SPRING1: variants seen among roughly 807,000 people sequenced by gnomAD.
SPRING1 encodes the protein SREBF pathway regulator in golgi 1.
SPRING1 carries 14 observed loss-of-function variants against 24.7 expected under a neutral mutation model. The ratio of observed to expected loss-of-function variants is 0.57; its 90% confidence interval spans 0.37 to 0.88. The LOEUF (loss-of-function observed/expected upper bound fraction) is 0.88. Among genes scored for constraint, SPRING1 ranks in the 40% least tolerant of loss-of-function variants. The probability of loss-of-function intolerance (pLI) is 0.00; values close to 1 mark genes in which losing one functional copy is unlikely to be tolerated. For synonymous variants in SPRING1, 93 were observed against 106.1 expected, an observed-to-expected ratio of 0.88 and a Z score of 0.76; for missense variants, 255 against 268.4, an observed-to-expected ratio of 0.95 and a Z score of 0.35.
chr12:116,723,368 A>G, intron 1 of SPRING1, 145 bp from the exon 2 acceptor site: 1 of 963,990 alleles, frequency 1.0e-6, no homozygotes, highest in Non-Finnish European at 1.5e-6. Flanking sequence ...TGGTACAAGC[A>G]AAGCCTGAGC....
At chr12:116,737,607 A>T in intron 1 of SPRING1, among the ~76,000 whole-genome samples, 183 bp downstream of exon 1, 1 of 132,948 alleles carries the variant, frequency 7.5e-6, no homozygotes, top group Non-Finnish European at 1.6e-5. Context: ...GAAGGAGGGG[A>T]GGTAGGAAGA....
intron 1 of SPRING1, among the ~76,000 whole-genome samples, chr12:116,733,608 G>A (rs772592579): frequency 3.9e-5 from 6 of 152,108 alleles, no homozygotes; most frequent in Admixed American, 6.5e-5. Context: ...CAATGTGTTT[G>A]TGTTTTCAGC....
intron 3 of SPRING1, 97 bp from the exon 4 acceptor site, chr12:116,719,973 G>A: frequency 9.3e-7 from 1 of 1,076,776 alleles, no homozygotes; most frequent in South Asian, 1.4e-5. Context: ...CTGATACAGG[G>A]AAGGGGGGAA....
At chr12:116,726,251 T>C (rs972504766) in intron 1 of SPRING1, among the ~76,000 whole-genome samples, 2 of 152,222 alleles carry the variant, frequency 1.3e-5, no homozygotes, top group African/African-American at 4.8e-5. Flanking sequence ...AATACTGCAA[T>C]AAAATGTGGA....
At position 116,720,581 on chromosome 12, in the gene SPRING1, C is replaced by T; in HGVS notation, c.269-134G>A. On this transcript the variant is annotated intron_variant, in intron 2 of 4. Coordinates refer to ENST00000261318, the MANE Select transcript of SPRING1 (RefSeq NM_024738.4). The surrounding 1 kb of genome is among the most constrained non-coding windows in gnomAD (Gnocchi z 4.0). Reference sequence around the variant, plus strand: ...GGGCATCATCCTAAGCACCGGAGAGCTGGAAACTGGACATAATGTGAGTGG... The same window carrying T: ...GGGCATCATCCTAAGCACCGGAGAGTTGGAAACTGGACATAATGTGAGTGG... The T allele has an allele frequency of 8.4e-7, 1 of 1,186,940 alleles. No individual in the cohort carries two copies. The highest frequency in any genetic ancestry group is 1.2e-6 in the Non-Finnish European group (1 of 838,852). 73.5% of individuals were successfully genotyped at this position (1,186,940 alleles called of 1,614,324 possible).
rs187849654 is a variant in SPRING1, at chr12:116,717,987, A to T, written c.535-94T>A. 10 of 1,068,868 alleles carry T rather than the reference A, an allele frequency of 9.4e-6. No homozygotes were observed. In the African/African-American group the frequency reaches 1.3e-4, roughly 14 times the overall value. The allele number at this position is 1,068,868 out of a possible 1,614,324, so 66.2% of individuals were successfully genotyped here. A position where few individuals can be genotyped will look rare whatever the true frequency, so the allele number is the denominator to read the frequency against. Reference sequence around the variant, plus strand: ...AGTGAGAGTGGATCGGGACTGTCAGACTCTCCCTGCAGGGGGCTGGCCGAG... The same window carrying T: ...AGTGAGAGTGGATCGGGACTGTCAGTCTCTCCCTGCAGGGGGCTGGCCGAG... On this transcript the variant is annotated intron_variant, in intron 4 of 4. Transcript: ENST00000261318. This position sits in a 1 kb window ranked among gnomAD's most constrained non-coding sequence, Gnocchi z 4.2.
At chr12:116,721,871 T>C (rs757460644) in intron 2 of SPRING1, among the ~76,000 whole-genome samples, 5 of 152,210 alleles carry the variant, frequency 3.3e-5, no homozygotes, top group Admixed American at 2.6e-4. Context: ...GGCATCCTTT[T>C]TTTTCCCCAC....
At position 116,716,031 on chromosome 12, in the gene SPRING1, G is replaced by A. The variant is rs1870111992; in HGVS notation, c.*1779C>T. ...TTCCAATGTCAACCCAGGGAAGACA[G>A]ACACTGAAATTCCAAACTGAGTTAC... On this transcript the variant is annotated 3_prime_UTR_variant, in exon 5 of 5. Transcript: ENST00000261318. 1 of 152,224 alleles carries A rather than the reference G, an allele frequency of 6.6e-6. No individual in the cohort carries two copies. The highest frequency in any genetic ancestry group is 1.5e-5 in the Non-Finnish European group (1 of 68,040). The allele number at this position is 152,224 out of a possible 1,614,324, so 9.4% of individuals were successfully genotyped here. A position where few individuals can be genotyped will look rare whatever the true frequency, so the allele number is the denominator to read the frequency against.
At chr12:116,718,747 A>T (rs1392837506) in intron 4 of SPRING1, among the ~76,000 whole-genome samples, 1 of 152,218 alleles carries the variant, frequency 6.6e-6, no homozygotes, top group Non-Finnish European at 1.5e-5. Context: ...CGTTTCTCAG[A>T]ATGAGAGAGA....
intron 1 of SPRING1, among the ~76,000 whole-genome samples, chr12:116,733,510 T>C (rs1871093473): frequency 6.6e-6 from 1 of 151,370 alleles, no homozygotes; most frequent in Admixed American, 6.6e-5. Context: ...CAAAGAAGTT[T>C]AAAAAGTAAT....
At chr12:116,719,205 CA>C (rs1870301005) in intron 4 of SPRING1, among the ~76,000 whole-genome samples, 1 of 152,248 alleles carries the variant, frequency 6.6e-6, no homozygotes, top group African/African-American at 2.4e-5. Context: ...ATGCTTTCAG[CA>C]GCAGGTGCAA....
intron 1 of SPRING1, among the ~76,000 whole-genome samples, chr12:116,731,773 C>G (rs1221335590): frequency 6.6e-6 from 1 of 151,860 alleles, no homozygotes. Flanking sequence ...TAAACAAAAC[C>G]AAGTTAAAAA....
intron 1 of SPRING1, among the ~76,000 whole-genome samples, chr12:116,734,888 G>C (rs1871150572): frequency 6.6e-6 from 1 of 152,204 alleles, no homozygotes; most frequent in African/African-American, 2.4e-5. Context: ...TTTTATCTGA[G>C]AATTTTACCT....
chr12:116,720,748 G>C lies in SPRING1; in HGVS notation c.269-301C>G, dbSNP rs901928209. On this transcript the variant is annotated intron_variant, in intron 2 of 4. Transcript: ENST00000261318. The surrounding 1 kb of genome is among the most constrained non-coding windows in gnomAD (Gnocchi z 4.0). The stretch of plus-strand genomic sequence containing the variant: ...CATCATCAGGTCAAGCTACGGCTAC[G>C]TTCTCCTATTCTAACCTATGCAAGC... 3.3e-5 allele frequency among the ~76,000 whole-genome samples: 5 copies of C among 152,264 alleles called. No homozygotes were observed. Among genetic ancestry groups the C allele is most frequent in the Admixed American group, 3.3e-4 (5 of 15,294 alleles).
In SPRING1 at chr12:116,710,885, C is replaced by T. The variant is rs932291155; in HGVS notation, c.*6925G>A. 2.0e-5 allele frequency: 3 copies of T among 152,144 alleles called. No homozygotes were observed. The highest frequency in any genetic ancestry group is 7.2e-5 in the African/African-American group (3 of 41,428). The allele number at this position is 152,144 out of a possible 1,614,324, so 9.4% of individuals were successfully genotyped here. A position where few individuals can be genotyped will look rare whatever the true frequency, so the allele number is the denominator to read the frequency against. ...TGGATCTGCAAGATACGCTAGCCATCACCCTTAATTGACAAATGAGGAAAC... is the reference window on the plus strand; with the variant it reads ...TGGATCTGCAAGATACGCTAGCCATTACCCTTAATTGACAAATGAGGAAAC... On this transcript the variant is annotated 3_prime_UTR_variant, in exon 5 of 5. Coordinates refer to ENST00000261318, the MANE Select transcript of SPRING1 (RefSeq NM_024738.4).
Position 116,717,728 on chromosome 12 carries a change from C to CCGATGG in SPRING1, c.*76_*81dup. On this transcript the variant is annotated 3_prime_UTR_variant, in exon 5 of 5. Coordinates refer to ENST00000261318, the MANE Select transcript of SPRING1 (RefSeq NM_024738.4). The surrounding 1 kb of genome is among the most constrained non-coding windows in gnomAD (Gnocchi z 4.2). ...CTTTGTCTTCTTCCTGCAGCCTGGC[C>CCGATGG]CGATGGCTGAAGCTGGGTCCCAGGA... The CCGATGG allele has an allele frequency of 8.0e-7, 1 of 1,243,666 alleles. No homozygotes were observed. Among genetic ancestry groups the CCGATGG allele is most frequent in the South Asian group, 1.3e-5 (1 of 74,324 alleles). The allele number at this position is 1,243,666 out of a possible 1,614,324, so 77.0% of individuals were successfully genotyped here.
In SPRING1 at chr12:116,717,762, C is replaced by A. The variant is rs750971832; in HGVS notation, c.*48G>T. 14 of 1,500,784 alleles carry A rather than the reference C, an allele frequency of 9.3e-6. No homozygotes were observed. Among genetic ancestry groups the A allele is most frequent in the Non-Finnish European group, 1.1e-5 (12 of 1,111,760 alleles). 93.0% of individuals were successfully genotyped at this position (1,500,784 alleles called of 1,614,324 possible). On this transcript the variant is annotated 3_prime_UTR_variant, in exon 5 of 5. Coordinates refer to ENST00000261318, the MANE Select transcript of SPRING1 (RefSeq NM_024738.4). The surrounding 1 kb of genome is among the most constrained non-coding windows in gnomAD (Gnocchi z 4.2). ...GAAGCTGGGTCCCAGGAGGCGAGTT[C>A]TTCAGCGGGGCCTCCTCACCCAGGC...
chr12:116,728,954 T>C lies in SPRING1; in HGVS notation c.112-5731A>G, dbSNP rs1870842915. ...CTGAGGACCTCAATATGTGGGTTTA[T>C]GTGAGTTATGGCTATTGATGCTTAC... On this transcript the variant is annotated intron_variant, in intron 1 of 4. Coordinates refer to ENST00000261318, the MANE Select transcript of SPRING1 (RefSeq NM_024738.4). The surrounding 1 kb of genome is among the most constrained non-coding windows in gnomAD (Gnocchi z 4.2). Among the ~76,000 whole-genome samples the C allele has an allele frequency of 6.6e-6, 1 of 152,230 alleles. No individual in the cohort carries two copies. Among genetic ancestry groups the C allele is most frequent in the Non-Finnish European group, 1.5e-5 (1 of 68,036 alleles).
chr12:116,735,178 T>C (rs1871162819), intron 1 of SPRING1, among the ~76,000 whole-genome samples: 1 of 152,144 alleles, frequency 6.6e-6, no homozygotes, highest in African/African-American at 2.4e-5. Flanking sequence ...GTAATGCCAC[T>C]GAGCGAGACT....
Sources: allele counts gnomAD v4.1 joint callset (sites outside exome capture counted in the v4.1 genomes callset), GRCh38; gene constraint gnomAD v4.1.1; non-coding constraint Gnocchi (gnomAD v3.1); transcripts MANE v1.5; gene names NCBI Gene and HGNC (gene_info 2026-07-23, HGNC 2026-07-21).